The following PMPCB variants were observed in gnomAD, a reference collection of about 807,000 sequenced individuals.
PMPCB encodes peptidase, mitochondrial processing subunit beta, also known as mitochondrial-processing peptidase subunit beta.
In PMPCB, 46 loss-of-function variants were observed where a neutral mutation model predicts 61.5. The ratio of observed to expected loss-of-function variants is 0.75; its 90% CI spans 0.59 to 0.96. The LOEUF is 0.96. Ranked by LOEUF, PMPCB falls within the 40% of genes least tolerant of loss-of-function variation. The pLI, the probability that PMPCB is intolerant of heterozygous loss-of-function variation, is 0.00. For missense variants in PMPCB, 590 were observed against 602.4 expected (o/e 0.98, Z 0.22); for synonymous variants, 191 against 201.6 (o/e 0.95, Z 0.44).
chr7:103,317,210 C>A, downstream of PMPCB: 1 of 541,780 alleles, frequency 1.8e-6, no homozygotes. Flanking sequence ...GCCTGAGGGA[C>A]CAAGAACTGC....
chr7:103,317,163 C>CA (rs1818118307), downstream of PMPCB: 1 of 677,248 alleles, frequency 1.5e-6, no homozygotes. Flanking sequence ...AAAAGAAGCA[C>CA]CAGCTTTTCA....
intron 9 of PMPCB, 43 bp from the exon 10 acceptor site, chr7:103,311,600 A>G: frequency 7.0e-7 from 1 of 1,432,856 alleles, no homozygotes. Context: ...AACTCATGAA[A>G]TACAACATTT....
At chr7:103,316,129 G>C, downstream of PMPCB, 1 of 1,324,208 alleles carries the variant, frequency 7.6e-7, no homozygotes, top group Non-Finnish European at 1.0e-6. Context: ...TAGTAGTAAG[G>C]AAAAACAAAA....
rs1426295569 is a variant in PMPCB at position 103,314,214 on chromosome 7, T to C, written c.*1943T>C. ...ATACCATAGATTTTATTTCCTCTCT[T>C]GGAAAAAAGATGGAAGTGACATGGC... On this transcript the variant is annotated 3_prime_UTR_variant, in exon 13 of 13. Coordinates refer to ENST00000249269, the MANE Select transcript of PMPCB (RefSeq NM_004279.3). 1.5e-5 allele frequency: 15 copies of C among 985,200 alleles called. No homozygotes were observed. The highest frequency in any genetic ancestry group is 2.3e-4 in the East Asian group (2 of 8,832). 61.0% of individuals were successfully genotyped at this position (985,200 alleles called of 1,614,324 possible). A position where few individuals can be genotyped will look rare whatever the true frequency, so the allele number is the denominator to read the frequency against.
chr7:103,303,913 G>GT lies in PMPCB; in HGVS notation c.530dup (p.Ile178AsnfsTer3), dbSNP rs1172560320. The GT allele has an allele frequency of 4.3e-6, 7 of 1,613,742 alleles. No homozygotes were observed. Among genetic ancestry groups the GT allele is most frequent in the Non-Finnish European group, 5.9e-6 (7 of 1,179,758 alleles). On this transcript the variant is annotated frameshift_variant, in exon 5 of 13. Transcript: ENST00000249269. LOFTEE classifies it high-confidence loss of function. ...AGCAGAGATTGAACGTGAGCGTGGA[G>GT]TAATCCTTAGAGAGATGCAGGAAGT...
rs865942906 is a variant in PMPCB at position 103,312,735 on chromosome 7, G to A, written c.*464G>A. The A allele has an allele frequency of 1.3e-6, 2 of 1,570,522 alleles. No individual in the cohort carries two copies. The highest frequency in any genetic ancestry group is 1.7e-6 in the Non-Finnish European group (2 of 1,165,686). ...TGGTGTAAAGAATTCAAGCAACTAAGATAGATAGTACTAAATATACTGATT... is the reference window on the plus strand; with the variant it reads ...TGGTGTAAAGAATTCAAGCAACTAAAATAGATAGTACTAAATATACTGATT... On this transcript the variant is annotated 3_prime_UTR_variant, in exon 13 of 13. Coordinates refer to ENST00000249269, the MANE Select transcript of PMPCB (RefSeq NM_004279.3).
At chr7:103,327,559 A>G (rs904505612) in intron 12 of PMPCB, 3 of 790,546 alleles carry the variant, frequency 3.8e-6, no homozygotes, top group Non-Finnish European at 6.1e-6. Context: ...GTCAAAGGAT[A>G]GTTGAATGAA....
the PMPCB span, among the ~76,000 whole-genome samples, chr7:103,338,549 G>C: frequency 6.6e-6 from 1 of 151,622 alleles, no homozygotes; most frequent in African/African-American, 2.4e-5. Flanking sequence ...TACCTGCCTT[G>C]GCCTCCCAAA....
intron 4 of PMPCB, among the ~76,000 whole-genome samples, chr7:103,301,214 T>G (rs932771861): frequency 6.6e-6 from 1 of 152,234 alleles, no homozygotes; most frequent in Non-Finnish European, 1.5e-5. Flanking sequence ...TGGCTTACTG[T>G]GGACTCAAGT....
chr7:103,298,232 TC>T (rs950778087), intron 1 of PMPCB, among the ~76,000 whole-genome samples: 2 of 151,912 alleles, frequency 1.3e-5, no homozygotes, highest in African/African-American at 4.8e-5. Context: ...AGTTTCCCTC[TC>T]TTTTTTTTTT....
chr7:103,336,893 T>C, the PMPCB span: 2 of 152,264 alleles, frequency 1.3e-5, no homozygotes, highest in African/African-American at 4.8e-5. Flanking sequence ...TCATCTACTA[T>C]GCTAAGTATT....
At chr7:103,342,844 G>A in the PMPCB span, among the ~76,000 whole-genome samples, 1 of 151,804 alleles carries the variant, frequency 6.6e-6, no homozygotes, top group Non-Finnish European at 1.5e-5. Context: ...TCCTGACCTC[G>A]TGATCCACCC....
At chr7:103,342,608 C>T in the PMPCB span, among the ~76,000 whole-genome samples, 1 of 145,624 alleles carries the variant, frequency 6.9e-6, no homozygotes, top group Non-Finnish European at 1.5e-5. Context: ...CCCACCTGGA[C>T]AATTTTTTTT....
intron 12 of PMPCB, chr7:103,327,652 T>G (rs749583176): frequency 1.3e-6 from 2 of 1,565,922 alleles, no homozygotes; most frequent in African/African-American, 1.4e-5. Flanking sequence ...AAGCATTTTC[T>G]TACCTTTAGT....
Position 103,313,316 on chromosome 7 carries a change from CTT to C in PMPCB, c.*1048_*1049del. 6 of 1,301,724 alleles carry C rather than the reference CTT, an allele frequency of 4.6e-6. No individual in the cohort carries two copies. Among genetic ancestry groups the C allele is most frequent in the Non-Finnish European group, 5.8e-6 (6 of 1,028,008 alleles). The allele number at this position is 1,301,724 out of a possible 1,614,324, so 80.6% of individuals were successfully genotyped here. A position where few individuals can be genotyped will look rare whatever the true frequency, so the allele number is the denominator to read the frequency against. On this transcript the variant is annotated 3_prime_UTR_variant, in exon 13 of 13. Coordinates refer to ENST00000249269, the MANE Select transcript of PMPCB (RefSeq NM_004279.3). Reference sequence around the variant, plus strand: ...ATCCCAGAAAATAAAATCTCAAAGGCTTTTAAAACACAATAGTAAAGATCTAC... The same window carrying C: ...ATCCCAGAAAATAAAATCTCAAAGGCTTAAAACACAATAGTAAAGATCTAC...
the PMPCB span, among the ~76,000 whole-genome samples, chr7:103,338,885 G>A: frequency 6.6e-6 from 1 of 152,034 alleles, no homozygotes; most frequent in African/African-American, 2.4e-5. Flanking sequence ...ACTCCAGCCT[G>A]GGCAACAGAG....
intron 12 of PMPCB, among the ~76,000 whole-genome samples, chr7:103,320,064 A>G (rs572924802): frequency 5.9e-5 from 9 of 152,196 alleles, no homozygotes; most frequent in Admixed American, 5.9e-4. Flanking sequence ...CTGAACAGGT[A>G]TAATTTTATC....
Position 103,313,765 on chromosome 7 carries a change from A to G in PMPCB, c.*1494A>G, listed in dbSNP as rs1180705625. 5.1e-6 allele frequency: 5 copies of G among 985,064 alleles called. No homozygotes were observed. Among genetic ancestry groups the G allele is most frequent in the East Asian group, 1.1e-4 (1 of 8,828 alleles). The allele number at this position is 985,064 out of a possible 1,614,324, so 61.0% of individuals were successfully genotyped here. ...TTGTATATTTCAGAAAACATCTAAG[A>G]TGTGTGTCAGAAACAAATATGTTTC... On this transcript the variant is annotated 3_prime_UTR_variant, in exon 13 of 13. Coordinates refer to ENST00000249269, the MANE Select transcript of PMPCB (RefSeq NM_004279.3).
rs914178985 is a variant in PMPCB, at chr7:103,313,961, C to T, written c.*1690C>T. ...GTAGCCTGACTACTACTAGAAACTG[C>T]GGCCTGTGAGATCTGTTAAAAGTTA... On this transcript the variant is annotated 3_prime_UTR_variant, in exon 13 of 13. Coordinates refer to ENST00000249269, the MANE Select transcript of PMPCB (RefSeq NM_004279.3). The T allele has an allele frequency of 1.1e-5, 11 of 985,202 alleles. No individual in the cohort carries two copies. The highest frequency in any genetic ancestry group is 1.7e-5 in the African/African-American group (1 of 57,212). The allele number at this position is 985,202 out of a possible 1,614,324, so 61.0% of individuals were successfully genotyped here.
Sources: gnomAD v4.1 joint callset for allele counts (sites outside exome capture counted in the v4.1 genomes callset) on GRCh38, gnomAD v4.1.1 for gene constraint, MANE v1.5 for transcripts, NCBI Gene and HGNC (gene_info 2026-07-23, HGNC 2026-07-21) for gene names.